The following COL5A2 variants were observed in gnomAD, a reference collection of about 807,000 sequenced individuals.
COL5A2 encodes the protein collagen type V alpha 2 chain, also known as collagen alpha-2(V) chain.
Under a neutral mutation model 208.2 loss-of-function variants are expected in COL5A2, and 23 were observed. The ratio of observed to expected loss-of-function variants is 0.11; its 90% confidence interval spans 0.08 to 0.16. COL5A2 has a LOEUF of 0.16. Ranked by LOEUF, COL5A2 falls within the 10% of genes least tolerant of loss-of-function variation. COL5A2 has a pLI of 1.00. For synonymous variants in COL5A2, 625 were observed against 628.5 expected (o/e 0.99, Z 0.08); for missense variants, 1,590 against 1,956.4 (o/e 0.81, Z 3.53).
chr2:189,066,148 A>G (rs1686143313), intron 23 of COL5A2, among the ~76,000 whole-genome samples: 1 of 152,230 alleles, frequency 6.6e-6, no homozygotes, highest in Non-Finnish European at 1.5e-5. Context: ...CTTCTTGTTC[A>G]CTGATATAAT....
At chr2:189,052,064 GAAAACATACCA>G in intron 41 of COL5A2, 97 bp downstream of exon 41, 1 of 903,776 alleles carries the variant, frequency 1.1e-6, no homozygotes, top group Non-Finnish European at 1.7e-6. Context: ...TGTTAAATAA[GAAAACATACCA>G]TTAAGAAATT....
At chr2:189,363,724 T>A in the COL5A2 span, among the ~76,000 whole-genome samples, 1 of 152,232 alleles carries the variant, frequency 6.6e-6, no homozygotes, top group South Asian at 2.1e-4. Context: ...TTACCATCTC[T>A]CCCAAGTCAT....
At chr2:189,088,040 C>T (rs890459827) in intron 8 of COL5A2, among the ~76,000 whole-genome samples, 1 of 152,172 alleles carries the variant, frequency 6.6e-6, no homozygotes, top group African/African-American at 2.4e-5. Flanking sequence ...TGATTTTGCA[C>T]TTCTTATTGC....
the COL5A2 span, among the ~76,000 whole-genome samples, chr2:189,294,004 C>T: frequency 2.0e-5 from 3 of 149,008 alleles, no homozygotes; most frequent in South Asian, 6.5e-4. Flanking sequence ...AGGAGAATGG[C>T]GTGAACCTGG....
intron 5 of COL5A2, 22 bp from the exon 6 acceptor site, chr2:189,097,352 A>T (rs781551673): frequency 6.2e-7 from 1 of 1,612,810 alleles, no homozygotes; most frequent in African/African-American, 1.3e-5. Flanking sequence ...AATGATGATT[A>T]TGCATGCAAA....
At chr2:189,301,361 AGTAAAATAAT>A in the COL5A2 span, among the ~76,000 whole-genome samples, 1 of 152,242 alleles carries the variant, frequency 6.6e-6, no homozygotes, top group Admixed American at 6.5e-5. Flanking sequence ...CTTAAAGCCA[AGTAAAATAAT>A]GTATTATCTG....
chr2:189,255,332 A>T, the COL5A2 span, among the ~76,000 whole-genome samples: 3 of 152,170 alleles, frequency 2.0e-5, no homozygotes, highest in East Asian at 3.8e-4. Flanking sequence ...GTCATTCAAC[A>T]TTTTTTCCAA....
chr2:189,262,974 T>C, the COL5A2 span, among the ~76,000 whole-genome samples: 5 of 152,116 alleles, frequency 3.3e-5, no homozygotes, highest in East Asian at 3.8e-4. Flanking sequence ...ATTTATTACA[T>C]ATTAAAACTA....
At chr2:189,147,987 A>G (rs1688072426) in intron 1 of COL5A2, among the ~76,000 whole-genome samples, 1 of 152,162 alleles carries the variant, frequency 6.6e-6, no homozygotes, top group Non-Finnish European at 1.5e-5. Context: ...AACTTCAGAC[A>G]TTTAAAAAAT....
At chr2:189,288,826 C>T in the COL5A2 span, among the ~76,000 whole-genome samples, 36 of 152,218 alleles carry the variant, frequency 2.4e-4, no homozygotes, top group Admixed American at 2.2e-3. Context: ...CTAACAAACA[C>T]ATTCCACAGC....
chr2:189,165,581 A>G (rs1688447862), intron 1 of COL5A2, among the ~76,000 whole-genome samples: 1 of 152,232 alleles, frequency 6.6e-6, no homozygotes, highest in South Asian at 2.1e-4. Flanking sequence ...AGTGCCCATT[A>G]AGGCCATGCA....
chr2:189,034,056 T>G lies in COL5A2; in HGVS notation c.*14A>C, dbSNP rs755515950. 1.9e-6 allele frequency: 3 copies of G among 1,613,810 alleles called. No homozygotes were observed. In the African/African-American group the frequency reaches 4.0e-5, roughly 22 times the overall value. ...TTGATGGTGGTGCTCATTGTCGATG[T>G]GTCTTGGCTTACTTTACACAAAACA... On this transcript the variant is annotated 3_prime_UTR_variant, in exon 54 of 54. Coordinates refer to ENST00000374866, the MANE Select transcript of COL5A2 (RefSeq NM_000393.5).
chr2:189,379,059 A>G, the COL5A2 span, among the ~76,000 whole-genome samples: 2 of 152,130 alleles, frequency 1.3e-5, no homozygotes, highest in Admixed American at 6.5e-5. Flanking sequence ...TCTAAATTCT[A>G]TGTGAGCTAT....
the COL5A2 span, among the ~76,000 whole-genome samples, chr2:189,424,699 T>C: frequency 3.3e-5 from 5 of 152,320 alleles, no homozygotes; most frequent in East Asian, 7.7e-4. Context: ...GGTACTTGTA[T>C]TCATGGACTG....
At chr2:189,432,613 A>C in the COL5A2 span, among the ~76,000 whole-genome samples, 4 of 152,096 alleles carry the variant, frequency 2.6e-5, no homozygotes, top group African/African-American at 9.7e-5. Context: ...AAGGGATCAA[A>C]TCAACAAGAA....
intron 8 of COL5A2, 59 bp from the exon 9 acceptor site, chr2:189,086,829 T>C (rs1382947554): frequency 1.4e-6 from 2 of 1,385,092 alleles, no homozygotes; most frequent in East Asian, 4.9e-5. Context: ...GTCAAATATT[T>C]CAAAAATGTT....
At chr2:189,270,334 C>T in the COL5A2 span, among the ~76,000 whole-genome samples, 1 of 152,000 alleles carries the variant, frequency 6.6e-6, no homozygotes, top group South Asian at 2.1e-4. Flanking sequence ...GTTAGGGTGT[C>T]GATTTTAGAT....
the COL5A2 span, among the ~76,000 whole-genome samples, chr2:189,431,073 A>G: frequency 6.6e-6 from 1 of 152,216 alleles, no homozygotes; most frequent in African/African-American, 2.4e-5. Flanking sequence ...GTGGACCTCC[A>G]GCAAACTCCA....
the COL5A2 span, among the ~76,000 whole-genome samples, chr2:189,358,512 C>T: frequency 2.6e-5 from 4 of 152,074 alleles, no homozygotes; most frequent in Admixed American, 2.0e-4. Context: ...TAGTGTGATG[C>T]CCCCAGCTTT....
Sources: gnomAD v4.1 joint callset for allele counts (sites outside exome capture counted in the v4.1 genomes callset) on GRCh38, gnomAD v4.1.1 for gene constraint, MANE v1.5 for transcripts, NCBI Gene and HGNC (gene_info 2026-07-23, HGNC 2026-07-21) for gene names.